Variants in TUFT1 observed in about 807,000 individuals in gnomAD.
TUFT1 encodes tuftelin.
In TUFT1, 43 loss-of-function variants were observed where a neutral mutation model predicts 57.8. That is an observed-to-expected ratio of 0.74 (90% confidence interval 0.58 to 0.96). TUFT1 has a LOEUF of 0.96. TUFT1 is among the 40% of genes least tolerant of loss of function. The pLI, the probability that TUFT1 is intolerant of heterozygous loss-of-function variation, is 0.00. For missense variants in TUFT1, 459 were observed against 489.0 expected, an observed-to-expected ratio of 0.94 and a Z score of 0.58; for synonymous variants, 166 against 176.7, an observed-to-expected ratio of 0.94 and a Z score of 0.48.
intron 6 of TUFT1, among the ~76,000 whole-genome samples, chr1:151,566,790 T>C (rs1666098179): frequency 6.6e-6 from 1 of 152,218 alleles, no homozygotes; most frequent in Non-Finnish European, 1.5e-5. Context: ...ATTCTTTGCT[T>C]GCTTTTTTTT....
At chr1:151,550,912 G>A (rs1360694270) in intron 1 of TUFT1, among the ~76,000 whole-genome samples, 2 of 152,134 alleles carry the variant, frequency 1.3e-5, no homozygotes, top group African/African-American at 4.8e-5. Context: ...GGGTAACACA[G>A]TGAGACCCTG....
At chr1:151,579,762 A>G (rs1182630329) in intron 11 of TUFT1, 30 bp downstream of exon 11, 1 of 1,603,454 alleles carries the variant, frequency 6.2e-7, no homozygotes, top group Middle Eastern at 1.7e-4. Context: ...CAGCAGGGGA[A>G]CAGGACTCTT....
At chr1:151,551,476 A>G (rs1007821533) in intron 1 of TUFT1, among the ~76,000 whole-genome samples, 4 of 152,198 alleles carry the variant, frequency 2.6e-5, no homozygotes, top group African/African-American at 9.6e-5. Flanking sequence ...CAGGATATGT[A>G]GGTTGCAGTA....
At chr1:151,572,325 G>A (rs1666280327) in intron 7 of TUFT1, among the ~76,000 whole-genome samples, 1 of 152,072 alleles carries the variant, frequency 6.6e-6, no homozygotes, top group Non-Finnish European at 1.5e-5. Context: ...TTGCGGGCAG[G>A]GTTGGCTGGA....
chr1:151,562,705 CA>C lies in TUFT1; in HGVS notation c.237+21del. The C allele has an allele frequency of 6.3e-7, 1 of 1,593,256 alleles. No individual in the cohort carries two copies. Among genetic ancestry groups the C allele is most frequent in the Non-Finnish European group, 8.6e-7 (1 of 1,162,120 alleles). On this transcript the variant is annotated intron_variant, in intron 3 of 12. Coordinates refer to ENST00000368849, the MANE Select transcript of TUFT1 (RefSeq NM_020127.3). ...CATTAAGGTAAGCTTAGTTCACCTC[CA>C]ACTTTTCTCCCTGTCCTCTTCCTCC... is the stretch of plus-strand genomic sequence containing the variant.
rs774952610 is a variant in TUFT1, at chr1:151,582,156, A to G, written c.*449A>G. 2.2e-6 allele frequency: 1 copy of G among 460,386 alleles called. No homozygotes were observed. Among genetic ancestry groups the G allele is most frequent in the South Asian group, 1.5e-5 (1 of 64,608 alleles). The allele number at this position is 460,386 out of a possible 1,614,324, so 28.5% of individuals were successfully genotyped here. Reference sequence around the variant, plus strand: ...GGAATGAAGTTCCTTCCACAAACACAGCTCAGTTCTTAGCAACAAACTGTT... The same window carrying G: ...GGAATGAAGTTCCTTCCACAAACACGGCTCAGTTCTTAGCAACAAACTGTT... On this transcript the variant is annotated 3_prime_UTR_variant, in exon 13 of 13. Transcript: ENST00000368849.
At chr1:151,574,125 A>G in intron 7 of TUFT1, 145 bp from the exon 8 acceptor site, 1 of 884,712 alleles carries the variant, frequency 1.1e-6, no homozygotes, top group South Asian at 1.8e-5. Context: ...AGTGAAGGGG[A>G]GGTGGTGGTG....
intron 1 of TUFT1, chr1:151,545,758 G>T (rs769525916): frequency 1.2e-5 from 6 of 506,956 alleles, no homozygotes; most frequent in Admixed American, 1.0e-4. Flanking sequence ...AGAGTCCCAG[G>T]GGTGAGAGGA....
chr1:151,566,537 C>T (rs192451579), intron 6 of TUFT1, among the ~76,000 whole-genome samples: 1 of 152,254 alleles, frequency 6.6e-6, no homozygotes, highest in East Asian at 1.9e-4. Context: ...TGGGTCCCAT[C>T]CCTAGAGCTT....
chr1:151,544,526 A>G (rs1239034276), intron 1 of TUFT1, among the ~76,000 whole-genome samples: 1 of 152,006 alleles, frequency 6.6e-6, no homozygotes, highest in Non-Finnish European at 1.5e-5. Context: ...CAAACTCCTG[A>G]CCTCAAATGA....
At chr1:151,543,984 C>CT (rs10718036) in intron 1 of TUFT1, among the ~76,000 whole-genome samples, 39 of 117,000 alleles carry the variant, frequency 3.3e-4, no homozygotes, top group African/African-American at 1.1e-3. Flanking sequence ...CTTTAAATCA[C>CT]TTTTTTTTTT....
chr1:151,563,118 C>T (rs984136885), intron 3 of TUFT1, among the ~76,000 whole-genome samples: 1 of 152,140 alleles, frequency 6.6e-6, no homozygotes, highest in Non-Finnish European at 1.5e-5. Flanking sequence ...ATCCTGGGCT[C>T]GAGCAATCGT....
intron 1 of TUFT1, among the ~76,000 whole-genome samples, chr1:151,550,727 G>A (rs1199809327): frequency 6.6e-6 from 1 of 152,164 alleles, no homozygotes; most frequent in African/African-American, 2.4e-5. Flanking sequence ...TTTCACAGCT[G>A]AATAGTAGTT....
chr1:151,541,261 G>GGGGC lies in TUFT1; in HGVS notation c.60+837_60+840dup, dbSNP rs577647696. Among the ~76,000 whole-genome samples, 204 of 152,264 alleles carry GGGGC rather than the reference G, an allele frequency of 1.3e-3. 3 individuals are homozygous for GGGGC. The highest frequency in any genetic ancestry group is 4.7e-3 in the African/African-American group (195 of 41,550). On this transcript the variant is annotated intron_variant, in intron 1 of 12. Transcript: ENST00000368849. ...GACGGGGAGAGGGTTGCGGAGAAAG[G>GGGGC]GGGCGTTCTCCAGTGCAGGCTGGTC...
intron 12 of TUFT1, 25 bp downstream of exon 12, chr1:151,581,067 T>G: frequency 3.1e-6 from 5 of 1,604,082 alleles, no homozygotes; most frequent in Non-Finnish European, 4.3e-6. Flanking sequence ...GTAGATAGAA[T>G]GGGGCCAGGG....
At chr1:151,545,980 C>T in intron 1 of TUFT1, 1 of 299,178 alleles carries the variant, frequency 3.3e-6, no homozygotes, top group Non-Finnish European at 7.2e-6. Flanking sequence ...TTTTATCTTT[C>T]TTTCGAATAT....
chr1:151,582,044 T>C lies in TUFT1; in HGVS notation c.*337T>C, dbSNP rs756464329. Reference sequence around the variant, plus strand: ...TCTGGCTGTGCCATAAGCCAGGCCTTCATCAGATTGGGAGAGGTGACAAGA... The same window carrying C: ...TCTGGCTGTGCCATAAGCCAGGCCTCCATCAGATTGGGAGAGGTGACAAGA... On this transcript the variant is annotated 3_prime_UTR_variant, in exon 13 of 13. Coordinates refer to ENST00000368849, the MANE Select transcript of TUFT1 (RefSeq NM_020127.3). The C allele has an allele frequency of 1.9e-6, 1 of 537,830 alleles. No homozygotes were observed. The highest frequency in any genetic ancestry group is 1.5e-5 in the South Asian group (1 of 65,222). The allele number at this position is 537,830 out of a possible 1,614,324, so 33.3% of individuals were successfully genotyped here.
chr1:151,572,404 A>G (rs1212091935), intron 7 of TUFT1, among the ~76,000 whole-genome samples: 1 of 152,044 alleles, frequency 6.6e-6, no homozygotes, highest in Non-Finnish European at 1.5e-5. Flanking sequence ...GGGGTGCAAG[A>G]ATCAGACCAT....
intron 1 of TUFT1, chr1:151,561,875 G>T: frequency 1.3e-6 from 2 of 1,508,482 alleles, no homozygotes; most frequent in Non-Finnish European, 1.8e-6. Context: ...TGTTGTGAAA[G>T]AAAAAACTGT....
Sources: allele counts gnomAD v4.1 joint callset (sites outside exome capture counted in the v4.1 genomes callset), GRCh38; gene constraint gnomAD v4.1.1; transcripts MANE v1.5; gene names NCBI Gene and HGNC (gene_info 2026-07-23, HGNC 2026-07-21).